ITPKB: variants seen among roughly 807,000 people sequenced by gnomAD.
ITPKB encodes the protein inositol-trisphosphate 3-kinase B, also known as IP3 3-kinase B.
Under a neutral mutation model 69.4 loss-of-function variants are expected in ITPKB, and 13 were observed. The observed-to-expected ratio is 0.19, with a 90% CI of 0.12 to 0.30. The LOEUF is 0.30. ITPKB is among the 10% of genes least tolerant of loss of function. The pLI is 1.00. For synonymous variants in ITPKB, 584 were observed against 513.7 expected (o/e 1.14, Z -1.85); for missense variants, 1,240 against 1,250.5 (o/e 0.99, Z 0.13).
intron 2 of ITPKB, among the ~76,000 whole-genome samples, chr1:226,691,183 GC>G (rs1197217251): frequency 2.0e-5 from 3 of 151,798 alleles, no homozygotes; most frequent in Non-Finnish European, 4.4e-5. Context: ...ACTAAACTGT[GC>G]ACTTAAAATG....
intron 2 of ITPKB, among the ~76,000 whole-genome samples, chr1:226,677,984 C>G (rs1411417339): frequency 2.0e-5 from 3 of 152,002 alleles, no homozygotes; most frequent in Non-Finnish European, 4.4e-5. Flanking sequence ...CATTATTTAA[C>G]GTGCTATATC....
intron 2 of ITPKB, among the ~76,000 whole-genome samples, chr1:226,662,539 T>G (rs1669420781): frequency 6.6e-6 from 1 of 152,216 alleles, no homozygotes; most frequent in East Asian, 1.9e-4. Flanking sequence ...AAAGTTTACC[T>G]CTCTAGGCCA....
At chr1:226,715,512 G>A (rs528835178) in intron 2 of ITPKB, among the ~76,000 whole-genome samples, 1 of 152,270 alleles carries the variant, frequency 6.6e-6, no homozygotes, top group South Asian at 2.1e-4. Flanking sequence ...GTAAGTTCAC[G>A]GAAATTAAAT....
At chr1:226,720,804 C>T (rs1657218374) in intron 2 of ITPKB, among the ~76,000 whole-genome samples, 1 of 152,000 alleles carries the variant, frequency 6.6e-6, no homozygotes, top group Non-Finnish European at 1.5e-5. Context: ...ATAATCCCAG[C>T]ACTTTGGGAG....
In ITPKB at chr1:226,645,776, A is replaced by G. The variant is rs546974237; in HGVS notation, c.2246+1391T>C. ...GCATGTTCTTTCTCCTCCCTGCCCT[A>G]TCCCAGGTCCCTGTGGGCTAAAGAT... On this transcript the variant is annotated intron_variant, in intron 4 of 7. Transcript: ENST00000429204. Among the ~76,000 whole-genome samples the G allele has an allele frequency of 7.2e-5, 11 of 152,280 alleles. No individual in the cohort carries two copies. In the South Asian group the frequency reaches 2.3e-3, roughly 32 times the overall value.
chr1:226,686,986 G>A (rs910027266), intron 2 of ITPKB, among the ~76,000 whole-genome samples: 4 of 152,216 alleles, frequency 2.6e-5, no homozygotes, highest in Admixed American at 1.3e-4. Flanking sequence ...CCTCAGGCTG[G>A]GATGCTATAA....
rs1571885610 is a variant in ITPKB, at chr1:226,737,694, C to G, written c.-205-31G>C. The G allele has an allele frequency of 3.8e-6, 3 of 793,060 alleles. No homozygotes were observed. In the East Asian group the frequency reaches 2.4e-4, roughly 64 times the overall value. The allele number at this position is 793,060 out of a possible 1,614,324, so 49.1% of individuals were successfully genotyped here. On this transcript the variant is annotated intron_variant, in intron 1 of 7. Transcript: ENST00000429204. ...GAGATACAAGGAGAAAAGTCAGGAC[C>G]CTGGAGGGCGCGCGGGGGGAGTTGG...
At chr1:226,720,501 G>A (rs547591407) in intron 2 of ITPKB, among the ~76,000 whole-genome samples, 2 of 152,336 alleles carry the variant, frequency 1.3e-5, no homozygotes, top group African/African-American at 4.8e-5. Context: ...TCAGCTGTGG[G>A]CTTGGGACTA....
At chr1:226,714,270 T>A (rs535201785) in intron 2 of ITPKB, among the ~76,000 whole-genome samples, 1 of 152,232 alleles carries the variant, frequency 6.6e-6, no homozygotes, top group African/African-American at 2.4e-5. Context: ...AGTATGTGAT[T>A]CACCATGTTC....
Position 226,634,950 on chromosome 1 carries a change from C to A in ITPKB, c.2626-64G>T. On this transcript the variant is annotated intron_variant, in intron 7 of 7. Coordinates refer to ENST00000429204, the MANE Select transcript of ITPKB (RefSeq NM_002221.4). The surrounding 1 kb of genome is among the most constrained non-coding windows in gnomAD (Gnocchi z 6.3). ...GGGCCTCGCCCTCCCCACTGCGGCCCGGGGCCTGGGTGACCAGGTGGGGAG... is the reference window on the plus strand; with the variant it reads ...GGGCCTCGCCCTCCCCACTGCGGCCAGGGGCCTGGGTGACCAGGTGGGGAG... 1.5e-6 allele frequency: 2 copies of A among 1,354,818 alleles called. No homozygotes were observed. Among genetic ancestry groups the A allele is most frequent in the East Asian group, 4.8e-5 (2 of 41,402 alleles). 83.9% of individuals were successfully genotyped at this position (1,354,818 alleles called of 1,614,324 possible).
intron 2 of ITPKB, chr1:226,707,725 G>T: frequency 1.9e-6 from 2 of 1,048,876 alleles, no homozygotes; most frequent in South Asian, 6.3e-5. Flanking sequence ...GGGACAGTAA[G>T]ACAATATCAA....
chr1:226,654,948 G>GGAAGAGGAGGGAGGAGGGAGGAA (rs1428265162), intron 2 of ITPKB, among the ~76,000 whole-genome samples: 108 of 152,032 alleles, frequency 7.1e-4, no homozygotes, highest in African/African-American at 2.5e-3. Context: ...AGGGGGAGGA[G>GGAAGAGGAGGGAGGAGGGAGGAA]GAAGAGGAGG....
At chr1:226,692,474 G>C (rs577153599) in intron 2 of ITPKB, among the ~76,000 whole-genome samples, 1 of 152,308 alleles carries the variant, frequency 6.6e-6, no homozygotes, top group East Asian at 1.9e-4. Context: ...TTATTTTTAA[G>C]GGGGTAAACT....
chr1:226,680,081 G>A (rs933745477), intron 2 of ITPKB, among the ~76,000 whole-genome samples: 1 of 152,232 alleles, frequency 6.6e-6, no homozygotes, highest in Non-Finnish European at 1.5e-5. Context: ...CACATCACCT[G>A]TGAGAGCAGG....
At chr1:226,696,962 T>C (rs1416920323) in intron 2 of ITPKB, among the ~76,000 whole-genome samples, 1 of 152,186 alleles carries the variant, frequency 6.6e-6, no homozygotes, top group African/African-American at 2.4e-5. Flanking sequence ...GAAGGACAGG[T>C]ACAGCATCAC....
intron 2 of ITPKB, among the ~76,000 whole-genome samples, chr1:226,675,332 A>G (rs1669711668): frequency 6.6e-6 from 1 of 152,232 alleles, no homozygotes; most frequent in Non-Finnish European, 1.5e-5. Flanking sequence ...CCACACTGGG[A>G]AACACTTGCA....
chr1:226,667,235 G>C (rs914116835), intron 2 of ITPKB, among the ~76,000 whole-genome samples: 1 of 152,176 alleles, frequency 6.6e-6, no homozygotes, highest in African/African-American at 2.4e-5. Flanking sequence ...CTTGAGGACT[G>C]GAAATGGCCA....
intron 2 of ITPKB, among the ~76,000 whole-genome samples, chr1:226,721,915 G>A (rs1225901656): frequency 6.6e-6 from 1 of 151,758 alleles, no homozygotes. Flanking sequence ...CCGGGTTCAA[G>A]CGATTCTCCT....
intron 2 of ITPKB, chr1:226,676,226 C>CA (rs1408317521): frequency 6.6e-6 from 1 of 152,156 alleles, no homozygotes; most frequent in Non-Finnish European, 1.5e-5. Context: ...CAGCACGGTG[C>CA]AAAAACAGGG....
Sources: gnomAD v4.1 joint callset for allele counts (sites outside exome capture counted in the v4.1 genomes callset) on GRCh38, gnomAD v4.1.1 for gene constraint, Gnocchi (gnomAD v3.1) non-coding constraint, MANE v1.5 for transcripts, NCBI Gene and HGNC (gene_info 2026-07-23, HGNC 2026-07-21) for gene names.